GRM5: variants seen among roughly 807,000 people sequenced by gnomAD.
The protein encoded by GRM5 is metabotropic glutamate receptor 5.
In GRM5, 19 loss-of-function variants were observed where a neutral mutation model predicts 83.1. The ratio of observed to expected loss-of-function variants is 0.23; its 90% CI spans 0.16 to 0.34. The LOEUF (loss-of-function observed/expected upper bound fraction) is 0.34. Among genes scored for constraint, GRM5 ranks in the 10% least tolerant of loss-of-function variants. The probability of loss-of-function intolerance (pLI) is 1.00; values close to 1 mark genes in which losing one functional copy is unlikely to be tolerated. For synonymous variants in GRM5, 675 were observed against 633.6 expected (o/e 1.07, Z -0.98); for missense variants, 1,160 against 1,588.3 (o/e 0.73, Z 4.58).
intron 4 of GRM5, among the ~76,000 whole-genome samples, chr11:88,616,679 TAG>T (rs2135250007): frequency 6.6e-6 from 1 of 152,256 alleles, no homozygotes; most frequent in East Asian, 1.9e-4. Flanking sequence ...GTAGACGGAT[TAG>T]AGTGTCATTA....
intron 3 of GRM5, among the ~76,000 whole-genome samples, chr11:88,794,087 C>T (rs918121603): frequency 5.3e-5 from 8 of 152,048 alleles, no homozygotes; most frequent in African/African-American, 1.9e-4. Flanking sequence ...CCTTTAGCCT[C>T]GAAAATTGCT....
chr11:88,883,991 GGAAGGGAAATGT>G (rs1945002582), intron 2 of GRM5, among the ~76,000 whole-genome samples: 2 of 152,184 alleles, frequency 1.3e-5, no homozygotes, highest in Non-Finnish European at 2.9e-5. Flanking sequence ...ACAGCACTAT[GGAAGGGAAATGT>G]GGGACTGGAG....
At chr11:88,942,474 CCTT>C (rs1256341581) in intron 2 of GRM5, among the ~76,000 whole-genome samples, 1 of 151,998 alleles carries the variant, frequency 6.6e-6, no homozygotes, top group Non-Finnish European at 1.5e-5. Flanking sequence ...TGCATCCATT[CCTT>C]CTTCTGGGCA....
At chr11:88,805,635 C>T (rs1201766917) in intron 3 of GRM5, among the ~76,000 whole-genome samples, 1 of 152,164 alleles carries the variant, frequency 6.6e-6, no homozygotes, top group African/African-American at 2.4e-5. Flanking sequence ...ATTGATTTGA[C>T]TATGAATCTT....
At chr11:88,613,077 C>A (rs1318672340) in intron 4 of GRM5, among the ~76,000 whole-genome samples, 1 of 152,068 alleles carries the variant, frequency 6.6e-6, no homozygotes, top group African/African-American at 2.4e-5. Flanking sequence ...GGTATGATGT[C>A]AATTTCTTTG....
intron 2 of GRM5, among the ~76,000 whole-genome samples, chr11:88,975,034 T>G (rs1469112428): frequency 1.3e-5 from 2 of 152,214 alleles, no homozygotes; most frequent in African/African-American, 4.8e-5. Context: ...GAGTCTGATG[T>G]GTCAATGGGA....
intron 3 of GRM5, among the ~76,000 whole-genome samples, chr11:88,775,958 G>T (rs1398674164): frequency 6.6e-6 from 1 of 152,172 alleles, no homozygotes; most frequent in Non-Finnish European, 1.5e-5. Flanking sequence ...TATTAGGTCT[G>T]CTTGTTTCAG....
chr11:88,619,575 C>T (rs1184327819), intron 4 of GRM5, among the ~76,000 whole-genome samples: 2 of 152,168 alleles, frequency 1.3e-5, no homozygotes, highest in African/African-American at 4.8e-5. Flanking sequence ...CAGCTAGCCT[C>T]AGAATACTTG....
At chr11:88,609,043 C>G (rs1054267847) in intron 4 of GRM5, among the ~76,000 whole-genome samples, 4 of 152,140 alleles carry the variant, frequency 2.6e-5, no homozygotes, top group African/African-American at 9.7e-5. Flanking sequence ...AGGTTTGTTA[C>G]ATGGGTAAAT....
Position 88,854,058 on chromosome 11 carries a change from G to GTATATATATATA in GRM5, c.662-3915_662-3904dup, listed in dbSNP as rs10525785. Among the ~76,000 whole-genome samples the GTATATATATATA allele has an allele frequency of 4.9e-3, 590 of 121,162 alleles. 7 individuals carry two copies. Among genetic ancestry groups the GTATATATATATA allele is most frequent in the East Asian group, 0.02 (81 of 4,096 alleles). The allele number at this position is 121,162 out of a possible 152,430, so 79.5% of individuals were successfully genotyped here. On this transcript the variant is annotated intron_variant, in intron 2 of 9. Transcript: ENST00000305447. ...AGATAAATGAATTAAAAAATGTGGT[G>GTATATATATATA]TATATATATATATATATATACACAA...
chr11:88,818,154 GA>G (rs1943723629), intron 3 of GRM5, among the ~76,000 whole-genome samples: 1 of 151,946 alleles, frequency 6.6e-6, no homozygotes, highest in African/African-American at 2.4e-5. Context: ...AAAAATGAAT[GA>G]ACTGGCTAAA....
chr11:88,536,062 T>G (rs967327329), intron 8 of GRM5, among the ~76,000 whole-genome samples: 1 of 152,222 alleles, frequency 6.6e-6, no homozygotes, highest in African/African-American at 2.4e-5. Context: ...CTGAAAGCTA[T>G]GCTAGTTACA....
chr11:88,674,138 G>T (rs574350241), intron 3 of GRM5, among the ~76,000 whole-genome samples: 2 of 151,876 alleles, frequency 1.3e-5, no homozygotes, highest in African/African-American at 4.8e-5. Context: ...GGAGTGTTGG[G>T]AGTCACTGAC....
At chr11:88,550,082 T>C (rs997406325) in intron 8 of GRM5, among the ~76,000 whole-genome samples, 8 of 152,100 alleles carry the variant, frequency 5.3e-5, no homozygotes, top group Non-Finnish European at 1.2e-4. Context: ...TTTGGGCAAT[T>C]AGTTGAAGTT....
chr11:88,961,427 T>C (rs923935250), intron 2 of GRM5, among the ~76,000 whole-genome samples: 1 of 152,052 alleles, frequency 6.6e-6, no homozygotes, highest in African/African-American at 2.4e-5. Flanking sequence ...AGCCAAGAAT[T>C]GAGGCTGCCA....
intron 2 of GRM5, among the ~76,000 whole-genome samples, chr11:88,947,545 TTC>T (rs1491126195): frequency 1.3e-5 from 2 of 152,116 alleles, no homozygotes; most frequent in African/African-American, 4.8e-5. Flanking sequence ...TTTTTTTTTT[TTC>T]CCTATTATCC....
intron 3 of GRM5, among the ~76,000 whole-genome samples, chr11:88,827,101 G>A (rs1413120256): frequency 1.3e-5 from 2 of 152,116 alleles, no homozygotes; most frequent in Non-Finnish European, 2.9e-5. Flanking sequence ...TGACAAATGT[G>A]TTTATTTTGC....
chr11:88,585,113 C>G lies in GRM5; in HGVS notation c.1690+5488G>C, dbSNP rs116370115. Among the ~76,000 whole-genome samples the G allele has an allele frequency of 7.1e-3, 1,076 of 152,252 alleles. 9 individuals are homozygous for G. Among genetic ancestry groups the G allele is most frequent in the African/African-American group, 0.025 (1,038 of 41,536 alleles). On this transcript the variant is annotated intron_variant, in intron 7 of 9. Transcript: ENST00000305447. ...CTCAGAGGAGTCTGAAGGAACAGGC[C>G]TTGCTAAGTTTACCTGAGTTTACTT...
intron 4 of GRM5, among the ~76,000 whole-genome samples, chr11:88,635,081 C>A (rs1939081629): frequency 6.6e-6 from 1 of 152,154 alleles, no homozygotes; most frequent in African/African-American, 2.4e-5. Flanking sequence ...TATCCTTTGG[C>A]ATTTAGATTA....
Sources: allele counts gnomAD v4.1 joint callset (sites outside exome capture counted in the v4.1 genomes callset), GRCh38; gene constraint gnomAD v4.1.1; transcripts MANE v1.5; gene names NCBI Gene and HGNC (gene_info 2026-07-23, HGNC 2026-07-21).